MYG1: variants seen among roughly 807,000 people sequenced by gnomAD.
The protein encoded by MYG1 is MYG1 exonuclease.
In MYG1, 36 loss-of-function variants were observed where a neutral mutation model predicts 43.5. The ratio of observed to expected loss-of-function variants is 0.83; its 90% CI spans 0.63 to 1.09. MYG1 has a LOEUF of 1.09. MYG1 is among the 50% of genes least tolerant of loss of function. The pLI is 0.00. For missense variants in MYG1, 529 were observed against 495.1 expected, an observed-to-expected ratio of 1.07 and a Z score of -0.65; for synonymous variants, 220 against 202.8, an observed-to-expected ratio of 1.08 and a Z score of -0.72.
Position 53,305,120 on chromosome 12 carries a change from G to A in MYG1, c.490-788G>A, listed in dbSNP as rs567037008. 4.6e-3 allele frequency among the ~76,000 whole-genome samples: 305 copies of A among 65,862 alleles called. 4 individuals carry two copies. Among genetic ancestry groups the A allele is most frequent in the African/African-American group, 0.012 (286 of 24,102 alleles). 43.2% of individuals were successfully genotyped at this position (65,862 alleles called of 152,430 possible). A position where few individuals can be genotyped will look rare whatever the true frequency, so the allele number is the denominator to read the frequency against. On this transcript the variant is annotated intron_variant, in intron 3 of 6. Coordinates refer to ENST00000267103, the MANE Select transcript of MYG1 (RefSeq NM_021640.4). The stretch of plus-strand genomic sequence containing the variant: ...CCTGACCTCGTGATCCGCCCGCCTC[G>A]GCCTCCCAAAGTGCTGGGATTACAG...
At chr12:53,300,115 A>T in intron 1 of MYG1, 35 bp from the exon 2 acceptor site, 1 of 1,560,188 alleles carries the variant, frequency 6.4e-7, no homozygotes, top group Non-Finnish European at 8.7e-7. Context: ...ACCCGGCGAC[A>T]CCCGGCAGCC....
Position 53,305,966 on chromosome 12 carries a change from C to T in MYG1, c.548C>T (p.Ala183Val). 6.2e-7 allele frequency: 1 copy of T among 1,613,872 alleles called. No homozygotes were observed. Reference protein sequence around the residue: ...DAVDNGISQWAEGEPRYALTT... With the variant: ...DAVDNGISQWVEGEPRYALTT... ...GTGGACAATGGGATCTCCCAGTGGG[C>T]AGAGGGGGAGCCTCGATATGCACTG... is the stretch of plus-strand genomic sequence containing the variant. Residue 183 changes from alanine (A) to valine (V), a missense_variant, in exon 4 of 7, where the codon GCA (alanine) becomes GTA (valine). Ala to Val is a moderately conservative substitution (Grantham distance 64, BLOSUM62 0). Transcript: ENST00000267103.
At chr12:53,306,892 T>C (rs370681256) in intron 6 of MYG1, 31 bp downstream of exon 6, 1 of 1,607,874 alleles carries the variant, frequency 6.2e-7, no homozygotes, top group Non-Finnish European at 8.5e-7. Context: ...TCTGCAGACC[T>C]TCAGGCTTGT....
At chr12:53,301,304 TGAAAA>T (rs1158896392) in intron 2 of MYG1, among the ~76,000 whole-genome samples, 1 of 152,164 alleles carries the variant, frequency 6.6e-6, no homozygotes, top group Admixed American at 6.6e-5. Context: ...TCTTCCATCT[TGAAAA>T]GAAACACAGG....
chr12:53,300,264 T>C lies in MYG1; in HGVS notation c.329+2T>C, dbSNP rs776296573. 22 of 1,555,534 alleles carry C rather than the reference T, an allele frequency of 1.4e-5. No individual in the cohort carries two copies. The highest frequency in any genetic ancestry group is 1.8e-5 in the Non-Finnish European group (21 of 1,148,946). The stretch of plus-strand genomic sequence containing the variant: ...ACACCGATATGACCATCACCAGAGG[T>C]AGGTTCTCAGATACCATTTATTTAA... On this transcript the variant is annotated splice_donor_variant, in intron 2 of 6. Coordinates refer to ENST00000267103, the MANE Select transcript of MYG1 (RefSeq NM_021640.4). LOFTEE classifies it high-confidence loss of function.
chr12:53,299,697 C>G lies in MYG1; in HGVS notation c.-41C>G. On this transcript the variant is annotated 5_prime_UTR_variant, in exon 1 of 7. Transcript: ENST00000267103. ...AAGTGGGGCTGCGCTGGCGCTTCCTCTTCCGGGTCGGCGCTCCTGCCTCCC... is the reference window on the plus strand; with the variant it reads ...AAGTGGGGCTGCGCTGGCGCTTCCTGTTCCGGGTCGGCGCTCCTGCCTCCC... 1 of 1,555,932 alleles carries G rather than the reference C, an allele frequency of 6.4e-7. No homozygotes were observed. The highest frequency in any genetic ancestry group is 8.7e-7 in the Non-Finnish European group (1 of 1,144,692).
intron 3 of MYG1, among the ~76,000 whole-genome samples, chr12:53,305,027 C>T (rs1944262337): frequency 6.6e-6 from 1 of 151,726 alleles, no homozygotes; most frequent in Admixed American, 6.6e-5. Context: ...CGCCACTACG[C>T]CCGGCTAATT....
rs771567139 is a variant in MYG1 at position 53,305,897 on chromosome 12, T to C, written c.490-11T>C. ...GTAGCCTCAAGAAGGTTTCCCCTGC[T>C]GCTGCCTTAGATGTATGAGAACTTT... On this transcript the variant is annotated splice_polypyrimidine_tract_variant and intron_variant, in intron 3 of 6. Coordinates refer to ENST00000267103, the MANE Select transcript of MYG1 (RefSeq NM_021640.4). The C allele has an allele frequency of 1.3e-6, 2 of 1,576,850 alleles. No homozygotes were observed. Among genetic ancestry groups the C allele is most frequent in the Admixed American group, 1.9e-5 (1 of 52,450 alleles).
At chr12:53,300,360 G>C (rs1944218813) in intron 2 of MYG1, 98 bp downstream of exon 2, 10 of 897,034 alleles carry the variant, frequency 1.1e-5, no homozygotes, top group Non-Finnish European at 8.3e-6. Context: ...TCAGCGAAAA[G>C]AACTGCTTCA....
Position 53,299,710 on chromosome 12 carries a change from G to C in MYG1, c.-28G>C. On this transcript the variant is annotated 5_prime_UTR_variant, in exon 1 of 7. Transcript: ENST00000267103. ...CTGGCGCTTCCTCTTCCGGGTCGGC[G>C]CTCCTGCCTCCCTGCAGGGAGCTGC... 2 of 1,584,888 alleles carry C rather than the reference G, an allele frequency of 1.3e-6. No homozygotes were observed. The highest frequency in any genetic ancestry group is 2.3e-5 in the East Asian group (1 of 43,278).
chr12:53,306,537 TCTTA>T, intron 5 of MYG1, 139 bp from the exon 6 acceptor site: 2 of 1,082,490 alleles, frequency 1.8e-6, no homozygotes, highest in Non-Finnish European at 2.6e-6. Flanking sequence ...AGAGACAGGG[TCTTA>T]CTTTGTTGCC....
intron 2 of MYG1, among the ~76,000 whole-genome samples, chr12:53,301,775 G>A (rs117617589): frequency 0.012 from 1,840 of 151,602 alleles, 26 homozygotes; most frequent in South Asian, 0.05. Flanking sequence ...TGCAACCTCC[G>A]TCTGCTGGGT....
chr12:53,299,772 T>A lies in MYG1; in HGVS notation c.35T>A (p.Leu12Gln), dbSNP rs760590713. ...GHQFLRGLLT[L>Q]LLPPPPLYTR... ...CAATTCCTGCGCGGCCTCTTAACGC[T>A]GCTGCTGCCGCCGCCACCCCTGTAT... Residue 12 changes from leucine (L) to glutamine (Q), a missense_variant, in exon 1 of 7, where the codon CTG becomes CAG. Transcript: ENST00000267103. 2.7e-5 allele frequency: 43 copies of A among 1,612,410 alleles called. No individual in the cohort carries two copies. Among genetic ancestry groups the A allele is most frequent in the Admixed American group, 2.5e-4 (15 of 59,974 alleles).
chr12:53,301,165 G>A (rs111621318), intron 2 of MYG1, among the ~76,000 whole-genome samples: 2 of 152,114 alleles, frequency 1.3e-5, no homozygotes, highest in Non-Finnish European at 2.9e-5. Context: ...GATCTGCCCC[G>A]CCTTGGCCTC....
chr12:53,299,791 C>T lies in MYG1; in HGVS notation c.54C>T (p.Pro18=), dbSNP rs1259823929. ...GLLTLLLPPP[P]LYTRHRMLGP... is the part of the protein sequence containing the mutation. Reference sequence around the variant, plus strand: ...TAACGCTGCTGCTGCCGCCGCCACCCCTGTATACCCGGCACCGCATGCTCG... The same window carrying T: ...TAACGCTGCTGCTGCCGCCGCCACCTCTGTATACCCGGCACCGCATGCTCG... The change falls in exon 1 of 7, where the codon CCC becomes CCT. Residue 18 remains proline, a synonymous_variant. Transcript: ENST00000267103. 6.2e-6 allele frequency: 10 copies of T among 1,613,950 alleles called. No homozygotes were observed. The highest frequency in any genetic ancestry group is 3.3e-4 in the Middle Eastern group (2 of 6,084).
At chr12:53,301,295 C>T (rs1253536130) in intron 2 of MYG1, among the ~76,000 whole-genome samples, 1 of 152,156 alleles carries the variant, frequency 6.6e-6, no homozygotes, top group African/African-American at 2.4e-5. Context: ...TCTCAAGTAT[C>T]TTCCATCTTG....
In MYG1 at chr12:53,301,521, A is replaced by ACC. The variant is rs112222255; in HGVS notation, c.329+1260_329+1261dup. 9.6e-4 allele frequency among the ~76,000 whole-genome samples: 146 copies of ACC among 152,210 alleles called. 1 individual carries two copies. The highest frequency in any genetic ancestry group is 3.4e-3 in the African/African-American group (140 of 41,520). On this transcript the variant is annotated intron_variant, in intron 2 of 6. Coordinates refer to ENST00000267103, the MANE Select transcript of MYG1 (RefSeq NM_021640.4). ...TCAGCCACCCTTCAAAAAACAGCTG[A>ACC]CCGTGGCTTCACCTGTTCCTTTCCA...
chr12:53,301,020 A>G (rs1043388245), intron 2 of MYG1, among the ~76,000 whole-genome samples: 1 of 151,748 alleles, frequency 6.6e-6, no homozygotes, highest in East Asian at 1.9e-4. Flanking sequence ...CCCAGGTTCA[A>G]GCGATTCTCC....
chr12:53,300,234 C>G lies in MYG1; in HGVS notation c.301C>G (p.Arg101Gly). 6.3e-7 allele frequency: 1 copy of G among 1,595,648 alleles called. No individual in the cohort carries two copies. Among genetic ancestry groups the G allele is most frequent in the Non-Finnish European group, 8.5e-7 (1 of 1,171,386 alleles). The change falls in exon 2 of 7, where the codon CGG (arginine) becomes GGG (glycine). Residue 101 changes from arginine to glycine, a missense_variant. Arg to Gly is a moderately radical substitution (Grantham distance 125). Coordinates refer to ENST00000267103, the MANE Select transcript of MYG1 (RefSeq NM_021640.4). ...GGACGTGGGGGGCGAGTACGACCCT[C>G]GGAGACACCGATATGACCATCACCA... ...VVDVGGEYDP[R>G]RHRYDHHQRS...
Sources: gnomAD v4.1 joint callset for allele counts (sites outside exome capture counted in the v4.1 genomes callset) on GRCh38, gnomAD v4.1.1 for gene constraint, MANE v1.5 for transcripts, NCBI Gene and HGNC (gene_info 2026-07-23, HGNC 2026-07-21) for gene names.